The following PCCA variants were observed in gnomAD, a reference collection of about 807,000 sequenced individuals.
PCCA encodes the protein propionyl-CoA carboxylase subunit alpha.
Under a neutral mutation model 101.3 loss-of-function variants are expected in PCCA, and 74 were observed. That is an observed-to-expected ratio of 0.73 (90% CI 0.61 to 0.89). The LOEUF (loss-of-function observed/expected upper bound fraction) is 0.89. Ranked by LOEUF, PCCA falls within the 40% of genes least tolerant of loss-of-function variation. The pLI, the probability that PCCA is intolerant of heterozygous loss-of-function variation, is 0.00. For missense variants in PCCA, 891 were observed against 907.0 expected (o/e 0.98, Z 0.23); for synonymous variants, 294 against 313.6 (o/e 0.94, Z 0.66).
chr13:100,095,014 T>A (rs1270388092), intron 1 of PCCA, among the ~76,000 whole-genome samples: 1 of 152,200 alleles, frequency 6.6e-6, no homozygotes. Context: ...AAGTCTGAAA[T>A]CAAGGCATGA....
chr13:100,520,451 C>T (rs188655409), intron 22 of PCCA, among the ~76,000 whole-genome samples: 85 of 151,812 alleles, frequency 5.6e-4, no homozygotes, highest in Middle Eastern at 3.4e-3. Context: ...ATCGAGACCA[C>T]GGTGAAACCC....
At chr13:100,146,813 T>C (rs920300192) in intron 4 of PCCA, among the ~76,000 whole-genome samples, 2 of 146,244 alleles carry the variant, frequency 1.4e-5, no homozygotes, top group Non-Finnish European at 2.9e-5. Flanking sequence ...TTTGTGGTAT[T>C]TGTATTTAAA....
intron 19 of PCCA, among the ~76,000 whole-genome samples, chr13:100,382,576 C>T (rs1256568322): frequency 6.6e-6 from 1 of 152,072 alleles, no homozygotes; most frequent in Non-Finnish European, 1.5e-5. Context: ...ATCATTGTAT[C>T]AATATCAAAC....
intron 9 of PCCA, among the ~76,000 whole-genome samples, chr13:100,261,776 T>C (rs1036759199): frequency 1.3e-5 from 2 of 152,236 alleles, no homozygotes; most frequent in Admixed American, 6.5e-5. Context: ...CTTTTATAAT[T>C]ACTATTTTTG....
chr13:100,340,614 T>C (rs1008608008), intron 18 of PCCA, among the ~76,000 whole-genome samples: 3 of 152,180 alleles, frequency 2.0e-5, no homozygotes, highest in Non-Finnish European at 4.4e-5. Flanking sequence ...GGAATGAATC[T>C]GGGCAGTTAA....
At chr13:100,173,949 T>G (rs2055977652) in intron 6 of PCCA, among the ~76,000 whole-genome samples, 1 of 152,242 alleles carries the variant, frequency 6.6e-6, no homozygotes, top group African/African-American at 2.4e-5. Context: ...ACCATGATTG[T>G]GGGGCCTCCC....
intron 6 of PCCA, among the ~76,000 whole-genome samples, chr13:100,171,442 G>A (rs937813241): frequency 6.6e-6 from 1 of 152,140 alleles, no homozygotes; most frequent in African/African-American, 2.4e-5. Context: ...TGAGATTCTA[G>A]ACAGAATGAG....
At chr13:100,451,060 G>A (rs1438165104) in intron 21 of PCCA, among the ~76,000 whole-genome samples, 1 of 152,248 alleles carries the variant, frequency 6.6e-6, no homozygotes, top group East Asian at 1.9e-4. Flanking sequence ...CCAGGGGAGC[G>A]TTGCAGTTCA....
intron 6 of PCCA, among the ~76,000 whole-genome samples, chr13:100,189,719 A>C (rs1264255339): frequency 1.3e-5 from 2 of 152,216 alleles, no homozygotes; most frequent in Non-Finnish European, 2.9e-5. Flanking sequence ...TATGTTGCCC[A>C]GGCTGCTCTT....
At chr13:100,233,480 A>G (rs1030395898) in intron 7 of PCCA, among the ~76,000 whole-genome samples, 7 of 152,276 alleles carry the variant, frequency 4.6e-5, no homozygotes, top group African/African-American at 1.7e-4. Context: ...TTATGATGTT[A>G]TAGGCAACCT....
At chr13:100,203,940 T>C (rs1418442528) in intron 6 of PCCA, among the ~76,000 whole-genome samples, 2 of 152,198 alleles carry the variant, frequency 1.3e-5, no homozygotes, top group African/African-American at 4.8e-5. Flanking sequence ...CTATATTCAG[T>C]GGGTGCTCCT....
intron 11 of PCCA, among the ~76,000 whole-genome samples, chr13:100,270,089 G>GT (rs1758949988): frequency 6.6e-6 from 1 of 152,216 alleles, no homozygotes; most frequent in South Asian, 2.1e-4. Context: ...GAAGAACTGT[G>GT]TAGCTTACAT....
intron 16 of PCCA, among the ~76,000 whole-genome samples, chr13:100,315,653 A>G (rs2067277649): frequency 6.6e-6 from 1 of 152,150 alleles, no homozygotes; most frequent in South Asian, 2.1e-4. Context: ...TGATCCTGGC[A>G]GCATGTCTAG....
chr13:100,091,287 G>A (rs1205976040), intron 1 of PCCA, among the ~76,000 whole-genome samples: 1 of 152,178 alleles, frequency 6.6e-6, no homozygotes, highest in Non-Finnish European at 1.5e-5. Context: ...TTGTACACTT[G>A]TTATACACTT....
chr13:100,366,701 G>A (rs1424043566), intron 18 of PCCA, among the ~76,000 whole-genome samples: 2 of 151,782 alleles, frequency 1.3e-5, no homozygotes, highest in African/African-American at 4.8e-5. Flanking sequence ...ACTCTTCTGT[G>A]TGAGGCTCTA....
chr13:100,412,263 C>A (rs2078100822), intron 19 of PCCA, among the ~76,000 whole-genome samples: 1 of 152,168 alleles, frequency 6.6e-6, no homozygotes, highest in African/African-American at 2.4e-5. Flanking sequence ...TTCACATTCA[C>A]TAAGGAGAGG....
At chr13:100,501,599 T>C (rs1176205593) in intron 21 of PCCA, among the ~76,000 whole-genome samples, 1 of 152,134 alleles carries the variant, frequency 6.6e-6, no homozygotes, top group South Asian at 2.1e-4. Flanking sequence ...CCAGGCCCAG[T>C]GTGGCAGCTC....
At chr13:100,256,703 AC>A (rs752734059) in intron 8 of PCCA, among the ~76,000 whole-genome samples, 8 of 152,300 alleles carry the variant, frequency 5.3e-5, no homozygotes, top group Non-Finnish European at 8.8e-5. Context: ...GTAGAGCATT[AC>A]AGGCCAGGAA....
chr13:100,416,814 C>T (rs901869237), intron 19 of PCCA, among the ~76,000 whole-genome samples: 18 of 151,658 alleles, frequency 1.2e-4, no homozygotes, highest in African/African-American at 3.6e-4. Context: ...CGTGAGCCAC[C>T]GCGCCCGACC....
Sources: gnomAD v4.1 joint callset for allele counts (sites outside exome capture counted in the v4.1 genomes callset) on GRCh38, gnomAD v4.1.1 for gene constraint, MANE v1.5 for transcripts, NCBI Gene and HGNC (gene_info 2026-07-23, HGNC 2026-07-21) for gene names.